Variants in PCDHA6 observed in about 807,000 individuals in gnomAD.
The protein encoded by PCDHA6 is protocadherin alpha-6.
Under a neutral mutation model 60.3 loss-of-function variants are expected in PCDHA6, and 55 were observed. That is an observed-to-expected ratio of 0.91 (90% CI 0.73 to 1.14). The LOEUF (loss-of-function observed/expected upper bound fraction) is 1.14, where lower values mean the gene tolerates loss of function less well. Among genes scored for constraint, PCDHA6 ranks in the 50% most tolerant of loss-of-function variants. PCDHA6 has a pLI of 0.00. For missense variants in PCDHA6, 1,327 were observed against 1,256.5 expected (o/e 1.06, Z -0.85); for synonymous variants, 652 against 557.9 (o/e 1.17, Z -2.38).
chr5:140,869,200 T>C, intron 1 of PCDHA6: 1 of 1,614,000 alleles, frequency 6.2e-7, no homozygotes, highest in East Asian at 2.2e-5. Flanking sequence ...CCAGCTCCAC[T>C]ACTCCGTCTC....
At chr5:140,877,041 A>G (rs782570873) in intron 1 of PCDHA6, 15 of 1,612,586 alleles carry the variant, frequency 9.3e-6, no homozygotes, top group African/African-American at 4.0e-5. Context: ...TGCAGCCGCT[A>G]GACCACGAGG....
intron 1 of PCDHA6, chr5:140,836,900 T>C: frequency 3.4e-6 from 2 of 592,540 alleles, no homozygotes; most frequent in Non-Finnish European, 5.6e-6. Context: ...GAAGTACGTT[T>C]AATATACACT....
rs1563353899 is a variant in PCDHA6, at chr5:140,966,713, G to A, written c.2395-12236G>A. The A allele has an allele frequency of 4.3e-6, 6 of 1,392,826 alleles. No individual in the cohort carries two copies. The African/African-American group carries it at 9.1e-5, about 21-fold the overall frequency. 86.3% of individuals were successfully genotyped at this position (1,392,826 alleles called of 1,614,324 possible). ...CGGGGCCCGGGCGTGGGGCACGGCTGGGGAAGCTGCCGCCTCCGGCCCTGC... is the reference window on the plus strand; with the variant it reads ...CGGGGCCCGGGCGTGGGGCACGGCTAGGGAAGCTGCCGCCTCCGGCCCTGC... On this transcript the variant is annotated intron_variant, in intron 1 of 3. Transcript: ENST00000529310.
chr5:140,929,143 T>C (rs2085863317), intron 1 of PCDHA6: 1 of 1,614,234 alleles, frequency 6.2e-7, no homozygotes, highest in Non-Finnish European at 8.5e-7. Context: ...TGAGAGACTT[T>C]CTCAGACTTA....
intron 1 of PCDHA6, chr5:140,928,749 T>A: frequency 1.2e-6 from 2 of 1,614,194 alleles, no homozygotes; most frequent in Non-Finnish European, 1.7e-6. Flanking sequence ...GTGAGCTCCG[T>A]ACTGCTCGCT....
chr5:140,926,170 C>T lies in PCDHA6; in HGVS notation c.2395-52779C>T, dbSNP rs558750358. 2.6e-5 allele frequency among the ~76,000 whole-genome samples: 4 copies of T among 151,860 alleles called. No homozygotes were observed. In the South Asian group the frequency reaches 6.6e-4, roughly 25 times the overall value. On this transcript the variant is annotated intron_variant, in intron 1 of 3. Coordinates refer to ENST00000529310, the MANE Select transcript of PCDHA6 (RefSeq NM_018909.4). ...CGGAAAGCTCTGCAGCAGGATCCAG[C>T]GCGGAAAGCCCCCCGCAGCACTTCT...
chr5:140,994,249 G>A (rs17119346), intron 3 of PCDHA6, among the ~76,000 whole-genome samples: 45,238 of 152,008 alleles, frequency 0.3, 6,962 homozygotes, highest in East Asian at 0.43. Flanking sequence ...CAAACCCTAG[G>A]TAAATAAGGT....
intron 1 of PCDHA6, chr5:140,869,208 C>T (rs782200592): frequency 2.5e-6 from 4 of 1,613,990 alleles, no homozygotes; most frequent in Middle Eastern, 1.7e-4. Context: ...ACTACTCCGT[C>T]TCGGAGGAGG....
chr5:140,899,544 T>A (rs925092249), intron 1 of PCDHA6, among the ~76,000 whole-genome samples: 11 of 152,202 alleles, frequency 7.2e-5, no homozygotes, highest in Non-Finnish European at 1.5e-5. Context: ...TTGATCATGG[T>A]GGATAAGCTT....
intron 1 of PCDHA6, among the ~76,000 whole-genome samples, chr5:140,878,558 C>T: frequency 6.6e-6 from 1 of 152,172 alleles, no homozygotes; most frequent in African/African-American, 2.4e-5. Flanking sequence ...TGATCCCAAA[C>T]TTATCATAGT....
chr5:140,913,764 T>C (rs2076457452), intron 1 of PCDHA6, among the ~76,000 whole-genome samples: 1 of 152,162 alleles, frequency 6.6e-6, no homozygotes, highest in Admixed American at 6.5e-5. Flanking sequence ...TCATAGGTTT[T>C]GGCATGTTGT....
intron 1 of PCDHA6, chr5:140,966,397 G>C (rs782390663): frequency 4.5e-5 from 18 of 404,120 alleles, no homozygotes; most frequent in Admixed American, 2.2e-4. Flanking sequence ...CCGCCACTTC[G>C]GCGCGGAATC....
In PCDHA6 at chr5:140,853,250, T is replaced by C. The variant is rs187095987; in HGVS notation, c.2394+22765T>C. 492 of 976,066 alleles carry C rather than the reference T, an allele frequency of 5.0e-4. 28 individuals carry two copies. The African/African-American group carries it at 6.8e-3, about 14-fold the overall frequency. The allele number at this position is 976,066 out of a possible 1,614,324, so 60.5% of individuals were successfully genotyped here. On this transcript the variant is annotated intron_variant, in intron 1 of 3. Transcript: ENST00000529310. ...ATTTAGTCCTTCATATTAATCTCTA[T>C]TCTCTCTCAGAGTACAAGCTCTCAT... is the stretch of plus-strand genomic sequence containing the variant.
intron 1 of PCDHA6, chr5:140,857,571 C>A (rs782707848): frequency 7.5e-6 from 12 of 1,596,630 alleles, no homozygotes; most frequent in Non-Finnish European, 9.4e-6. Flanking sequence ...AGCTACGTGT[C>A]GGTGCACGCG....
chr5:140,891,592 T>G (rs1162338197), intron 1 of PCDHA6, among the ~76,000 whole-genome samples: 1 of 152,216 alleles, frequency 6.6e-6, no homozygotes, highest in East Asian at 1.9e-4. Context: ...TATTACTCTA[T>G]CCCATCTATT....
chr5:141,001,478 A>G, intron 3 of PCDHA6, among the ~76,000 whole-genome samples: 1 of 152,236 alleles, frequency 6.6e-6, no homozygotes, highest in Non-Finnish European at 1.5e-5. Context: ...GCAGCGGGGA[A>G]GTGCTGGAAA....
chr5:140,830,035 G>T lies in PCDHA6; in HGVS notation c.1944G>T (p.Leu648=), dbSNP rs2150180061. Residue 648 remains leucine (L), a synonymous_variant, in exon 1 of 4, where the codon CTG becomes CTT. Transcript: ENST00000529310. ...DEADSPRHRL[L]VLVKDHGEPA... is the part of the protein sequence containing the mutation. ...CGGACTCTCCGCGCCACCGGCTGCTGGTGCTGGTGAAAGACCACGGTGAGC... is the reference window on the plus strand; with the variant it reads ...CGGACTCTCCGCGCCACCGGCTGCTTGTGCTGGTGAAAGACCACGGTGAGC... 1.2e-6 allele frequency: 2 copies of T among 1,613,880 alleles called. No individual in the cohort carries two copies. The highest frequency in any genetic ancestry group is 2.2e-5 in the South Asian group (2 of 91,082).
intron 1 of PCDHA6, chr5:140,883,872 T>A (rs1554180376): frequency 1.2e-6 from 2 of 1,612,996 alleles, no homozygotes; most frequent in African/African-American, 1.3e-5. Flanking sequence ...CAGTTCCAGG[T>A]GAGCGCGCGC....
At chr5:140,901,583 T>C (rs530803677) in intron 1 of PCDHA6, among the ~76,000 whole-genome samples, 14 of 152,340 alleles carry the variant, frequency 9.2e-5, no homozygotes, top group African/African-American at 3.4e-4. Context: ...GCCAGTGCCA[T>C]GATGTTTTGG....
Sources: allele counts gnomAD v4.1 joint callset (sites outside exome capture counted in the v4.1 genomes callset), GRCh38; gene constraint gnomAD v4.1.1; transcripts MANE v1.5; gene names NCBI Gene and HGNC (gene_info 2026-07-23, HGNC 2026-07-21).